The following TRAM1 variants were observed in gnomAD, a reference collection of about 807,000 sequenced individuals.
The protein encoded by TRAM1 is translocating chain-associated membrane protein 1.
A neutral mutation model predicts 48.7 loss-of-function variants in TRAM1; 17 were observed. The observed-to-expected ratio is 0.35, with a 90% CI of 0.24 to 0.52. The LOEUF (loss-of-function observed/expected upper bound fraction) is 0.52. Ranked by LOEUF, TRAM1 falls within the 20% of genes least tolerant of loss-of-function variation. The probability of loss-of-function intolerance (pLI) is 0.94; values close to 1 mark genes in which losing one functional copy is unlikely to be tolerated. For missense variants in TRAM1, 351 were observed against 441.5 expected, an observed-to-expected ratio of 0.79 and a Z score of 1.84; for synonymous variants, 182 against 154.0, an observed-to-expected ratio of 1.18 and a Z score of -1.34.
chr8:70,607,807 C>G (rs1365040261), intron 1 of TRAM1: 2 of 275,276 alleles, frequency 7.3e-6, no homozygotes, highest in Non-Finnish European at 1.3e-5. Context: ...GGGGCGGCGG[C>G]GGGTCAGGAA....
chr8:70,577,241 C>T (rs1372207894), intron 10 of TRAM1, among the ~76,000 whole-genome samples: 1 of 152,132 alleles, frequency 6.6e-6, no homozygotes, highest in Non-Finnish European at 1.5e-5. Context: ...CATGACCAGC[C>T]TAGGCACCAC....
intron 1 of TRAM1, chr8:70,607,818 G>A (rs528510038): frequency 3.3e-6 from 1 of 305,788 alleles, no homozygotes; most frequent in African/African-American, 2.2e-5. Context: ...GGGTCAGGAA[G>A]GGGGCGACGC....
In TRAM1 at chr8:70,598,164, A is replaced by G. The variant is rs1817532140; in HGVS notation, c.279T>C (p.Ile93=). Residue 93 remains isoleucine, a synonymous_variant, in exon 3 of 11, where the codon ATT becomes ATC. Transcript: ENST00000262213. The part of the protein sequence containing the change: ...VFFYMLVAII[I]HAVIQEYMLD... ...ACATATACTCTTGAATTACGGCATGAATAATTATCGCCACTAGCATGTAGA... is the reference window on the plus strand; with the variant it reads ...ACATATACTCTTGAATTACGGCATGGATAATTATCGCCACTAGCATGTAGA... The G allele has an allele frequency of 6.2e-6, 10 of 1,613,182 alleles. No homozygotes were observed. The highest frequency in any genetic ancestry group is 8.5e-6 in the Non-Finnish European group (10 of 1,179,552).
Position 70,608,321 on chromosome 8 carries a change from G to T in TRAM1, c.-122C>A. 1 of 1,335,960 alleles carries T rather than the reference G, an allele frequency of 7.5e-7. No individual in the cohort carries two copies. Among genetic ancestry groups the T allele is most frequent in the East Asian group, 2.8e-5 (1 of 35,776 alleles). 82.8% of individuals were successfully genotyped at this position (1,335,960 alleles called of 1,614,324 possible). On this transcript the variant is annotated 5_prime_UTR_variant, in exon 1 of 11. Transcript: ENST00000262213. ...ACGGCCCCGCTGCAGCCGCTCGCTG[G>T]GGCTTCACTTCCCATCCCACAGCCA...
rs1816946772 is a variant in TRAM1, at chr8:70,576,095, A to AC, written c.1052-1091dup. 9.4e-5 allele frequency among the ~76,000 whole-genome samples: 14 copies of AC among 148,970 alleles called. No homozygotes were observed. In the South Asian group the frequency reaches 3.0e-3, roughly 32 times the overall value. ...AAAAAAAAAAGAAAAAAAAAAAAAAACCACACAAAAAAAAACCCCAAAACA... is the reference window on the plus strand; with the variant it reads ...AAAAAAAAAAGAAAAAAAAAAAAAAACCCACACAAAAAAAAACCCCAAAACA... On this transcript the variant is annotated intron_variant, in intron 10 of 10. Coordinates refer to ENST00000262213, the MANE Select transcript of TRAM1 (RefSeq NM_014294.6).
At chr8:70,589,823 T>A (rs181033403) in intron 6 of TRAM1, among the ~76,000 whole-genome samples, 21 of 152,168 alleles carry the variant, frequency 1.4e-4, no homozygotes, top group African/African-American at 4.1e-4. Flanking sequence ...CCAGCATGGG[T>A]GATAGAGCAA....
chr8:70,597,815 T>C lies in TRAM1; in HGVS notation c.426+80A>G, dbSNP rs1586763259. 13 of 1,092,038 alleles carry C rather than the reference T, an allele frequency of 1.2e-5. No homozygotes were observed. In the South Asian group the frequency reaches 2.4e-4, roughly 20 times the overall value. 67.6% of individuals were successfully genotyped at this position (1,092,038 alleles called of 1,614,324 possible). A position where few individuals can be genotyped will look rare whatever the true frequency, so the allele number is the denominator to read the frequency against. Reference sequence around the variant, plus strand: ...TAAAACAGATTTATCACTGAAACTCTTAACTTAATACTATTTCATTAGCAG... The same window carrying C: ...TAAAACAGATTTATCACTGAAACTCCTAACTTAATACTATTTCATTAGCAG... On this transcript the variant is annotated intron_variant, in intron 4 of 10. Transcript: ENST00000262213.
chr8:70,598,296 A>G (rs201350609), intron 2 of TRAM1, 41 bp from the exon 3 acceptor site: 1 of 1,558,084 alleles, frequency 6.4e-7, no homozygotes, highest in African/African-American at 1.4e-5. Context: ...AAATATACAC[A>G]AGGTTATAAA....
chr8:70,580,858 A>G (rs1382866189), intron 10 of TRAM1, among the ~76,000 whole-genome samples: 1 of 152,234 alleles, frequency 6.6e-6, no homozygotes, highest in Non-Finnish European at 1.5e-5. Context: ...GAAGAATCTG[A>G]AAATGGAATT....
intron 5 of TRAM1, among the ~76,000 whole-genome samples, chr8:70,595,221 T>TA (rs954046333): frequency 5.3e-5 from 8 of 151,880 alleles, no homozygotes; most frequent in African/African-American, 1.9e-4. Context: ...TATATCCCTC[T>TA]AGCCCTTCTG....
intron 10 of TRAM1, among the ~76,000 whole-genome samples, chr8:70,577,760 C>T (rs190532567): frequency 1.1e-4 from 16 of 152,348 alleles, no homozygotes; most frequent in Non-Finnish European, 2.1e-4. Context: ...GATCTAGGGG[C>T]TCCCTGAGCC....
intron 10 of TRAM1, among the ~76,000 whole-genome samples, chr8:70,579,867 T>C (rs1817037884): frequency 1.3e-5 from 2 of 152,190 alleles, no homozygotes; most frequent in South Asian, 2.1e-4. Flanking sequence ...AAAGGTATAA[T>C]ATTTATAGAC....
At chr8:70,607,176 A>C in intron 1 of TRAM1, 2 of 985,382 alleles carry the variant, frequency 2.0e-6, no homozygotes, top group African/African-American at 3.5e-5. Flanking sequence ...AAAACGTAGG[A>C]TGTTACTCGT....
intron 10 of TRAM1, 78 bp from the exon 11 acceptor site, chr8:70,575,083 T>C: frequency 9.7e-7 from 1 of 1,034,842 alleles, no homozygotes; most frequent in South Asian, 1.6e-5. Context: ...AAAGATACCT[T>C]CAGAAAAGAA....
chr8:70,597,309 C>T (rs1312406245), intron 4 of TRAM1, among the ~76,000 whole-genome samples: 1 of 152,144 alleles, frequency 6.6e-6, no homozygotes, highest in Non-Finnish European at 1.5e-5. Context: ...GAGGAAATGA[C>T]TGTGAACATT....
Position 70,574,960 on chromosome 8 carries a change from GGA to G in TRAM1, c.1095_1096del (p.Arg367GlufsTer2), listed in dbSNP as rs2132019761. 6.2e-7 allele frequency: 1 copy of G among 1,609,934 alleles called. No homozygotes were observed. The highest frequency in any genetic ancestry group is 8.5e-7 in the Non-Finnish European group (1 of 1,178,078). On this transcript the variant is annotated frameshift_variant, in exon 11 of 11. Coordinates refer to ENST00000262213, the MANE Select transcript of TRAM1 (RefSeq NM_014294.6). LOFTEE classifies it high-confidence loss of function. ...TGAAGATTTCTCTTTTTTATTCCGG[GGA>G]GAGTCTGCTACATTTGAAGTTAATG...
intron 6 of TRAM1, among the ~76,000 whole-genome samples, chr8:70,588,593 G>T (rs1283055364): frequency 6.7e-6 from 1 of 148,862 alleles, no homozygotes; most frequent in East Asian, 2.0e-4. Flanking sequence ...GTCTCAAAAA[G>T]AAAAAAAAAG....
At chr8:70,583,833 A>C in intron 8 of TRAM1, 40 bp from the exon 9 acceptor site, 1 of 1,519,798 alleles carries the variant, frequency 6.6e-7, no homozygotes, top group Non-Finnish European at 8.8e-7. Context: ...CTGAAATCTC[A>C]AAAACAAGAT....
chr8:70,599,118 C>T (rs761827667), intron 2 of TRAM1, among the ~76,000 whole-genome samples: 31 of 151,940 alleles, frequency 2.0e-4, no homozygotes, highest in Non-Finnish European at 2.8e-4. Context: ...ATTAGCTGGG[C>T]GTGGTGGTGT....
Sources: gnomAD v4.1 joint callset for allele counts (sites outside exome capture counted in the v4.1 genomes callset) on GRCh38, gnomAD v4.1.1 for gene constraint, MANE v1.5 for transcripts, NCBI Gene and HGNC (gene_info 2026-07-23, HGNC 2026-07-21) for gene names.